Variants in PON1 observed in about 807,000 individuals in gnomAD.
PON1 encodes the protein paraoxonase 1, also known as serum paraoxonase/arylesterase 1.
PON1 carries 37 observed loss-of-function variants against 39.2 expected under a neutral mutation model. The ratio of observed to expected loss-of-function variants is 0.94; its 90% CI spans 0.73 to 1.24. The LOEUF (loss-of-function observed/expected upper bound fraction) is 1.24, where lower values mean the gene tolerates loss of function less well. PON1 is among the 50% of genes most tolerant of loss of function. The probability of loss-of-function intolerance (pLI) is 0.00; values close to 1 mark genes in which losing one functional copy is unlikely to be tolerated. For synonymous variants in PON1, 148 were observed against 152.2 expected (o/e 0.97, Z 0.21); for missense variants, 397 against 413.5 (o/e 0.96, Z 0.35).
At chr7:95,301,941 C>A (rs1474769975) in intron 8 of PON1, among the ~76,000 whole-genome samples, 310 of 120,976 alleles carry the variant, frequency 2.6e-3, no homozygotes, top group African/African-American at 8.8e-3. Context: ...AAAAAAAATA[C>A]AAAAAATTAG....
At position 95,323,389 on chromosome 7, in the gene PON1, T is replaced by C. The variant is rs3917471; in HGVS notation, c.74+1013A>G. 9.9e-3 allele frequency among the ~76,000 whole-genome samples: 1,501 copies of C among 152,294 alleles called. 24 individuals are homozygous for C. Among genetic ancestry groups the C allele is most frequent in the African/African-American group, 0.034 (1,412 of 41,554 alleles). Reference sequence around the variant, plus strand: ...TTAAAAGCCAAGAATACCAACTGCTTCTTACTTTTTTTCTGCACTCTGTAA... The same window carrying C: ...TTAAAAGCCAAGAATACCAACTGCTCCTTACTTTTTTTCTGCACTCTGTAA... On this transcript the variant is annotated intron_variant, in intron 1 of 8. Transcript: ENST00000222381.
chr7:95,319,131 C>CTTCT (rs1554607761), intron 1 of PON1, among the ~76,000 whole-genome samples: 1 of 138,358 alleles, frequency 7.2e-6, no homozygotes, highest in African/African-American at 2.7e-5. Context: ...AAACAATAAA[C>CTTCT]TTTTTTTTTT....
chr7:95,299,146 T>G (rs1247239292), intron 8 of PON1, 44 bp from the exon 9 acceptor site: 12 of 1,574,484 alleles, frequency 7.6e-6, no homozygotes, highest in Admixed American at 3.3e-5. Flanking sequence ...GTTAAGTCAC[T>G]TAAAACAACC....
In PON1 at chr7:95,308,184, AG is replaced by A; in HGVS notation, c.524del (p.Pro175LeufsTer26). On this transcript the variant is annotated frameshift_variant, in exon 6 of 9. Coordinates refer to ENST00000222381, the MANE Select transcript of PON1 (RefSeq NM_000446.7). LOFTEE classifies it high-confidence loss of function. ...GATCATTTGTGCCATAAAAGTGCTC[AG>A]GTCCCACAGCAACAATATCATTCAA... ...PNLNDIVAVG[P>X]EHFYGTNDHY... The A allele has an allele frequency of 6.2e-7, 1 of 1,614,114 alleles. No individual in the cohort carries two copies. Among genetic ancestry groups the A allele is most frequent in the Non-Finnish European group, 8.5e-7 (1 of 1,179,954 alleles).
chr7:95,303,856 A>G (rs1807484427), intron 7 of PON1, among the ~76,000 whole-genome samples: 1 of 152,216 alleles, frequency 6.6e-6, no homozygotes, highest in African/African-American at 2.4e-5. Flanking sequence ...GGAAAAACAG[A>G]GTATTCTCTG....
At chr7:95,303,463 T>A (rs141239891) in intron 7 of PON1, among the ~76,000 whole-genome samples, 1 of 152,364 alleles carries the variant, frequency 6.6e-6, no homozygotes, top group African/African-American at 2.4e-5. Context: ...TTTGCTCTTA[T>A]CTTTGGAAGC....
intron 7 of PON1, among the ~76,000 whole-genome samples, chr7:95,305,449 C>T (rs1807518681): frequency 6.6e-6 from 1 of 152,108 alleles, no homozygotes; most frequent in Admixed American, 6.5e-5. Flanking sequence ...GCCAACTAGT[C>T]AATGTGAATT....
intron 4 of PON1, among the ~76,000 whole-genome samples, chr7:95,313,351 A>G (rs755604765): frequency 2.0e-5 from 3 of 152,348 alleles, no homozygotes; most frequent in Non-Finnish European, 4.4e-5. Flanking sequence ...GATGAGCTAT[A>G]TTACAGTGCT....
chr7:95,318,493 T>C, intron 1 of PON1, 100 bp from the exon 2 acceptor site: 1 of 1,088,936 alleles, frequency 9.2e-7, no homozygotes, highest in Non-Finnish European at 1.4e-6. Flanking sequence ...CACTGTACTT[T>C]GCCTGAGTTT....
intron 2 of PON1, 105 bp downstream of exon 2, chr7:95,318,218 T>C: frequency 1.0e-6 from 1 of 968,748 alleles, no homozygotes. Context: ...CTCTCCTGAT[T>C]CAAAATTTTA....
intron 7 of PON1, among the ~76,000 whole-genome samples, chr7:95,305,931 A>T (rs1807531758): frequency 6.6e-6 from 1 of 152,144 alleles, no homozygotes; most frequent in Non-Finnish European, 1.5e-5. Context: ...TAGAGGAAAA[A>T]AGAGAAAGAA....
chr7:95,311,636 T>C, intron 4 of PON1, 59 bp from the exon 5 acceptor site: 1 of 1,606,388 alleles, frequency 6.2e-7, no homozygotes, highest in Non-Finnish European at 8.5e-7. Context: ...GTCAGCCCTC[T>C]CTCCAAAAAC....
At chr7:95,304,568 G>A (rs964657036) in intron 7 of PON1, among the ~76,000 whole-genome samples, 1 of 151,888 alleles carries the variant, frequency 6.6e-6, no homozygotes, top group Admixed American at 6.6e-5. Flanking sequence ...TCTTGACCTC[G>A]TGATCCACCC....
At chr7:95,303,499 G>C (rs1208863287) in intron 7 of PON1, among the ~76,000 whole-genome samples, 1 of 152,154 alleles carries the variant, frequency 6.6e-6, no homozygotes, top group Non-Finnish European at 1.5e-5. Flanking sequence ...TGAATTCCAC[G>C]GCAGATGAAA....
At chr7:95,306,835 C>T (rs1390676719) in intron 6 of PON1, among the ~76,000 whole-genome samples, 1 of 152,048 alleles carries the variant, frequency 6.6e-6, no homozygotes, top group African/African-American at 2.4e-5. Flanking sequence ...TCTTCCTCCT[C>T]TTCTGCCCTG....
At chr7:95,314,247 C>T (rs971683913) in intron 4 of PON1, among the ~76,000 whole-genome samples, 2 of 152,088 alleles carry the variant, frequency 1.3e-5, no homozygotes, top group African/African-American at 2.4e-5. Flanking sequence ...GTGGTCCCCG[C>T]TACTCAGGAG....
chr7:95,315,748 T>TTCCA (rs1259513318), intron 3 of PON1, among the ~76,000 whole-genome samples: 2 of 152,170 alleles, frequency 1.3e-5, no homozygotes, highest in Admixed American at 6.5e-5. Context: ...ACACTACAGC[T>TTCCA]TCCAGCCCAT....
At chr7:95,308,256 G>C (rs375899405) in intron 5 of PON1, 45 bp from the exon 6 acceptor site, 28 of 1,547,486 alleles carry the variant, frequency 1.8e-5, no homozygotes, top group Non-Finnish European at 2.5e-5. Flanking sequence ...TGAAGGTATT[G>C]AACATTACAG....
Position 95,324,484 on chromosome 7 carries a change from A to T in PON1, c.-9T>A, listed in dbSNP as rs1315415061. The T allele has an allele frequency of 1.2e-6, 2 of 1,613,782 alleles. No individual in the cohort carries two copies. ...GCAATCAGCTTCGCCATGGTCGGGG[A>T]TAGACAAAGGGATCGATGGGCGCAG... On this transcript the variant is annotated 5_prime_UTR_variant, in exon 1 of 9. Coordinates refer to ENST00000222381, the MANE Select transcript of PON1 (RefSeq NM_000446.7).
Sources: allele counts gnomAD v4.1 joint callset (sites outside exome capture counted in the v4.1 genomes callset), GRCh38; gene constraint gnomAD v4.1.1; transcripts MANE v1.5; gene names NCBI Gene and HGNC (gene_info 2026-07-23, HGNC 2026-07-21).